TMEM163: variants seen among roughly 807,000 people sequenced by gnomAD.
TMEM163 encodes the protein transmembrane protein 163.
In TMEM163, 17 loss-of-function variants were observed where a neutral mutation model predicts 29.3. That is an observed-to-expected ratio of 0.58 (90% confidence interval 0.40 to 0.87). The LOEUF (loss-of-function observed/expected upper bound fraction) is 0.87, where lower values mean the gene tolerates loss of function less well. TMEM163 is among the 40% of genes least tolerant of loss of function. The pLI is 0.00. For synonymous variants in TMEM163, 157 were observed against 160.6 expected (o/e 0.98, Z 0.17); for missense variants, 303 against 381.5 (o/e 0.79, Z 1.71).
intron 2 of TMEM163, among the ~76,000 whole-genome samples, chr2:134,662,981 G>A (rs1026214827): frequency 2.0e-5 from 3 of 152,164 alleles, no homozygotes; most frequent in Non-Finnish European, 4.4e-5. Flanking sequence ...AGCATGGCTG[G>A]GATCAGGCCC....
intron 2 of TMEM163, among the ~76,000 whole-genome samples, chr2:134,691,060 G>A (rs151154861): frequency 5.9e-5 from 9 of 152,140 alleles, no homozygotes; most frequent in African/African-American, 2.2e-4. Context: ...AGTCAGGGGT[G>A]GGGGAGGCAC....
intron 2 of TMEM163, among the ~76,000 whole-genome samples, chr2:134,617,102 T>C (rs962095230): frequency 6.6e-6 from 1 of 152,226 alleles, no homozygotes; most frequent in African/African-American, 2.4e-5. Context: ...CATAAGGTTA[T>C]ATAAGCACAA....
chr2:134,713,215 C>T lies in TMEM163; in HGVS notation c.307G>A (p.Ala103Thr), dbSNP rs748225467. The change falls in exon 2 of 8, where the codon GCG becomes ACG. Residue 103 changes from alanine to threonine, a missense_variant. Physicochemically the swap from Ala to Thr is moderately conservative, Grantham distance 58. Coordinates refer to ENST00000281924, the MANE Select transcript of TMEM163 (RefSeq NM_030923.5). ...WFSIIVTLAL[A>T]VAAFTVSVMR... ...TGATACTCACTAAAGGCAGCCACCGCGAGGGCCAGGGTGACAATGATGGAG... is the reference window on the plus strand; with the variant it reads ...TGATACTCACTAAAGGCAGCCACCGTGAGGGCCAGGGTGACAATGATGGAG... 3.7e-6 allele frequency: 6 copies of T among 1,614,052 alleles called. No homozygotes were observed. The highest frequency in any genetic ancestry group is 1.7e-5 in the Admixed American group (1 of 59,986).
chr2:134,663,692 C>T (rs1006475393), intron 2 of TMEM163, among the ~76,000 whole-genome samples: 1 of 152,236 alleles, frequency 6.6e-6, no homozygotes, highest in African/African-American at 2.4e-5. Flanking sequence ...CTTCCTGCAT[C>T]CTCTCCCAAC....
At chr2:134,540,603 G>A (rs945998672) in intron 4 of TMEM163, among the ~76,000 whole-genome samples, 6 of 152,218 alleles carry the variant, frequency 3.9e-5, no homozygotes, top group African/African-American at 1.4e-4. Flanking sequence ...ACCATTTGGA[G>A]AGATAGCATT....
At chr2:134,661,188 G>A (rs1449010557) in intron 2 of TMEM163, among the ~76,000 whole-genome samples, 1 of 139,804 alleles carries the variant, frequency 7.2e-6, no homozygotes, top group African/African-American at 2.7e-5. Flanking sequence ...TCTCTCCCAT[G>A]AGATGTGAAA....
chr2:134,502,565 A>G (rs1679720739), intron 5 of TMEM163, among the ~76,000 whole-genome samples: 1 of 152,202 alleles, frequency 6.6e-6, no homozygotes, highest in Admixed American at 6.5e-5. Context: ...ACACAGAACA[A>G]CAGATGCAAA....
intron 1 of TMEM163, among the ~76,000 whole-genome samples, chr2:134,717,629 C>T (rs962895326): frequency 3.0e-4 from 46 of 152,260 alleles, no homozygotes; most frequent in African/African-American, 1.1e-3. Flanking sequence ...CCCGCCATAG[C>T]CAACAAAATA....
At chr2:134,593,939 G>A (rs73958768) in intron 2 of TMEM163, among the ~76,000 whole-genome samples, 13,937 of 151,926 alleles carry the variant, frequency 0.092, 725 homozygotes, top group South Asian at 0.16. Flanking sequence ...TGCAGGGGAG[G>A]CATAGAAACC....
chr2:134,499,334 A>G (rs1350283731), intron 5 of TMEM163, among the ~76,000 whole-genome samples: 1 of 152,222 alleles, frequency 6.6e-6, no homozygotes, highest in Admixed American at 6.5e-5. Flanking sequence ...GGAAAGCACT[A>G]TTACTACCAT....
intron 4 of TMEM163, among the ~76,000 whole-genome samples, chr2:134,518,313 C>G (rs1680117918): frequency 1.3e-5 from 2 of 152,170 alleles, no homozygotes; most frequent in African/African-American, 4.8e-5. Context: ...ATCAGATTCA[C>G]AAAATGCTGG....
At chr2:134,521,819 T>C (rs1178211303) in intron 4 of TMEM163, among the ~76,000 whole-genome samples, 1 of 152,086 alleles carries the variant, frequency 6.6e-6, no homozygotes, top group Non-Finnish European at 1.5e-5. Context: ...TGCACCTGCA[T>C]AACCCCTCCT....
chr2:134,475,083 A>G (rs1362864136), intron 5 of TMEM163, among the ~76,000 whole-genome samples: 1 of 152,290 alleles, frequency 6.6e-6, no homozygotes, highest in Middle Eastern at 3.4e-3. Context: ...GCCTTTCCTT[A>G]TTTGATTTAT....
At chr2:134,492,802 A>G (rs140677770) in intron 5 of TMEM163, among the ~76,000 whole-genome samples, 1 of 152,342 alleles carries the variant, frequency 6.6e-6, no homozygotes, top group Non-Finnish European at 1.5e-5. Flanking sequence ...TGAAACTGCA[A>G]TAAACATTTG....
At chr2:134,527,708 G>T (rs512375) in intron 4 of TMEM163, among the ~76,000 whole-genome samples, 101,546 of 152,082 alleles carry the variant, frequency 0.67, 34,929 homozygotes, top group East Asian at 0.83. Context: ...CCACAAACAC[G>T]GGCTGGGAAA....
rs1686399458 is a variant in TMEM163, at chr2:134,456,531, TTGATGGGGGCGGCAGG to T, written c.*169_*184del. The T allele has an allele frequency of 4.6e-6, 3 of 655,506 alleles. No homozygotes were observed. The South Asian group carries it at 5.4e-5, about 12-fold the overall frequency. 40.6% of individuals were successfully genotyped at this position (655,506 alleles called of 1,614,324 possible). ...TCCTATGGGCATTGTCCCAACATGT[TTGATGGGGGCGGCAGG>T]TGATGGGGGCAAGGTAGATCCACCT... On this transcript the variant is annotated 3_prime_UTR_variant, in exon 8 of 8. Coordinates refer to ENST00000281924, the MANE Select transcript of TMEM163 (RefSeq NM_030923.5).
At chr2:134,601,703 C>T (rs1682239714) in intron 2 of TMEM163, among the ~76,000 whole-genome samples, 2 of 152,126 alleles carry the variant, frequency 1.3e-5, no homozygotes. Flanking sequence ...AACATCAGTA[C>T]CATCAGGGAA....
At chr2:134,541,713 A>G (rs1416123728) in intron 4 of TMEM163, among the ~76,000 whole-genome samples, 1 of 152,238 alleles carries the variant, frequency 6.6e-6, no homozygotes, top group African/African-American at 2.4e-5. Context: ...CAAAAAAACT[A>G]TACGTAGATC....
At position 134,671,591 on chromosome 2, in the gene TMEM163, C is replaced by A. The variant is rs550860226; in HGVS notation, c.322+41609G>T. On this transcript the variant is annotated intron_variant, in intron 2 of 7. Transcript: ENST00000281924. ...CTCCTTGCTGACAATACCTCCACCA[C>A]CCTCTTCTGGGATCCCTTTCTTCCC... Among the ~76,000 whole-genome samples the A allele has an allele frequency of 3.9e-5, 6 of 152,354 alleles. No individual in the cohort carries two copies. In the East Asian group the frequency reaches 1.2e-3, roughly 29 times the overall value.
Sources: allele counts gnomAD v4.1 joint callset (sites outside exome capture counted in the v4.1 genomes callset), GRCh38; gene constraint gnomAD v4.1.1; transcripts MANE v1.5; gene names NCBI Gene and HGNC (gene_info 2026-07-23, HGNC 2026-07-21).